EPB41L1: variants seen among roughly 807,000 people sequenced by gnomAD.
The protein encoded by EPB41L1 is erythrocyte membrane protein band 4.1 like 1, also known as band 4.1-like protein 1.
A neutral mutation model predicts 97.8 loss-of-function variants in EPB41L1; 29 were observed. The ratio of observed to expected loss-of-function variants is 0.30; its 90% CI spans 0.22 to 0.40. The LOEUF is 0.40. Among genes scored for constraint, EPB41L1 ranks in the 10% least tolerant of loss-of-function variants. The pLI is 1.00. For synonymous variants in EPB41L1, 383 were observed against 459.2 expected, an observed-to-expected ratio of 0.83 and a Z score of 2.12; for missense variants, 812 against 1,162.3, an observed-to-expected ratio of 0.70 and a Z score of 4.38.
chr20:36,149,619 AAC>A (rs1204065911), intron 2 of EPB41L1, among the ~76,000 whole-genome samples: 11 of 152,054 alleles, frequency 7.2e-5, no homozygotes, highest in African/African-American at 2.7e-4. Flanking sequence ...GCAGAGTGCC[AAC>A]CTCAGTGAAA....
chr20:36,206,425 G>A lies in EPB41L1; in HGVS notation c.1669-3063G>A, dbSNP rs375433056. On this transcript the variant is annotated intron_variant, in intron 14 of 21. Transcript: ENST00000338074. This position sits in a 1 kb window ranked among gnomAD's most constrained non-coding sequence, Gnocchi z 5.5. Reference sequence around the variant, plus strand: ...GGATCCAGCCCACGCAGAAGCCAGAGCTGAGTTGAGCAATGAAACTGATAC... The same window carrying A: ...GGATCCAGCCCACGCAGAAGCCAGAACTGAGTTGAGCAATGAAACTGATAC... 1.2e-5 allele frequency: 15 copies of A among 1,290,058 alleles called. No individual in the cohort carries two copies. The Middle Eastern group carries it at 6.4e-4, about 55-fold the overall frequency. 79.9% of individuals were successfully genotyped at this position (1,290,058 alleles called of 1,614,324 possible).
chr20:36,131,211 G>C (rs2059193832), intron 2 of EPB41L1, among the ~76,000 whole-genome samples: 1 of 152,098 alleles, frequency 6.6e-6, no homozygotes, highest in African/African-American at 2.4e-5. Flanking sequence ...CTGGCCTCTG[G>C]TGATCCGCCC....
In EPB41L1 at chr20:36,209,376, T is replaced by C; in HGVS notation, c.1669-112T>C. On this transcript the variant is annotated intron_variant, in intron 14 of 21. Coordinates refer to ENST00000338074, the MANE Select transcript of EPB41L1 (RefSeq NM_012156.2). The surrounding 1 kb of genome is among the most constrained non-coding windows in gnomAD (Gnocchi z 4.2). Reference sequence around the variant, plus strand: ...TTCATTTCCTGGCCTGCTCTTCCATTCAGGATGTCGACACAGCCCCGAGAT... The same window carrying C: ...TTCATTTCCTGGCCTGCTCTTCCATCCAGGATGTCGACACAGCCCCGAGAT... The C allele has an allele frequency of 8.1e-7, 1 of 1,233,760 alleles. No individual in the cohort carries two copies. The highest frequency in any genetic ancestry group is 1.5e-5 in the African/African-American group (1 of 65,712). 76.4% of individuals were successfully genotyped at this position (1,233,760 alleles called of 1,614,324 possible).
intron 2 of EPB41L1, among the ~76,000 whole-genome samples, chr20:36,174,309 CA>C (rs1569205503): frequency 6.6e-6 from 1 of 151,716 alleles, no homozygotes; most frequent in Non-Finnish European, 1.5e-5. Flanking sequence ...CCCTGTCACC[CA>C]GGCTGGAGTG....
At chr20:36,216,900 AC>A (rs2146974787) in intron 17 of EPB41L1, among the ~76,000 whole-genome samples, 1 of 152,274 alleles carries the variant, frequency 6.6e-6, no homozygotes, top group Admixed American at 6.5e-5. Context: ...TGTTCAGGGG[AC>A]AAGAGGAAAG....
rs117199662 is a variant in EPB41L1 at position 36,095,478 on chromosome 20, T to G, written c.-65+3866T>G. 3.8e-3 allele frequency among the ~76,000 whole-genome samples: 572 copies of G among 152,344 alleles called. 4 individuals carry two copies. Among genetic ancestry groups the G allele is most frequent in the Admixed American group, 3.7e-3 (56 of 15,304 alleles). On this transcript the variant is annotated intron_variant, in intron 1 of 19. Transcript: ENST00000202028. ...CTTCACCCAACACTTTTTATTAAGC[T>G]TCTTTATGTGAAAGGGTCTAAACTC...
At chr20:36,109,752 T>G (rs1486139135) in intron 1 of EPB41L1, 2 of 152,028 alleles carry the variant, frequency 1.3e-5, no homozygotes, top group Non-Finnish European at 2.9e-5. Flanking sequence ...CTGAGGCCTG[T>G]GAAGGGAAAG....
At chr20:36,203,309 C>T (rs773868551) in intron 14 of EPB41L1, among the ~76,000 whole-genome samples, 1 of 152,240 alleles carries the variant, frequency 6.6e-6, no homozygotes, top group Non-Finnish European at 1.5e-5. Context: ...GATACCGTTT[C>T]GCCTTCTGAA....
intron 2 of EPB41L1, among the ~76,000 whole-genome samples, chr20:36,144,118 G>A (rs1336140709): frequency 6.6e-6 from 1 of 152,168 alleles, no homozygotes; most frequent in Non-Finnish European, 1.5e-5. Context: ...CTCCCAGAGT[G>A]TAAGAATTAC....
At chr20:36,153,451 G>A (rs1476532551), upstream of EPB41L1, among the ~76,000 whole-genome samples, 3 of 152,196 alleles carry the variant, frequency 2.0e-5, no homozygotes, top group East Asian at 5.8e-4. Flanking sequence ...GGATTCTGTG[G>A]TAAGAACTAT....
At chr20:36,166,891 C>T (rs533416513) in intron 1 of EPB41L1, among the ~76,000 whole-genome samples, 1 of 152,204 alleles carries the variant, frequency 6.6e-6, no homozygotes, top group Admixed American at 6.5e-5. Flanking sequence ...AAACCAACCA[C>T]CCAACCCAGC....
At chr20:36,215,627 C>T (rs183400181) in intron 17 of EPB41L1, among the ~76,000 whole-genome samples, 13 of 152,312 alleles carry the variant, frequency 8.5e-5, no homozygotes, top group African/African-American at 2.4e-4. Flanking sequence ...TCCTTCACCA[C>T]GTGTCATTGG....
intron 14 of EPB41L1, among the ~76,000 whole-genome samples, chr20:36,198,934 G>T (rs1460100776): frequency 6.6e-6 from 1 of 152,072 alleles, no homozygotes; most frequent in African/African-American, 2.4e-5. Flanking sequence ...TACTTCATGG[G>T]GATGTTGTAA....
chr20:36,173,973 G>A lies in EPB41L1; in HGVS notation c.177+19G>A. 2 of 1,605,224 alleles carry A rather than the reference G, an allele frequency of 1.2e-6. No homozygotes were observed. The highest frequency in any genetic ancestry group is 1.7e-6 in the Non-Finnish European group (2 of 1,175,912). On this transcript the variant is annotated intron_variant, in intron 2 of 21. Transcript: ENST00000338074. ...TGAACAGGTGTGTGCCCGAGAGCATGGGCGTACCTTTCCTGCCCAGACCGT... is the reference window on the plus strand; with the variant it reads ...TGAACAGGTGTGTGCCCGAGAGCATAGGCGTACCTTTCCTGCCCAGACCGT...
chr20:36,155,772 CA>C, intron 1 of EPB41L1: 1 of 396,848 alleles, frequency 2.5e-6, no homozygotes, highest in Non-Finnish European at 5.1e-6. Context: ...GGGGAGAGAG[CA>C]CCACGTGTTC....
chr20:36,136,391 G>A (rs1466116836), intron 2 of EPB41L1, among the ~76,000 whole-genome samples: 3 of 148,726 alleles, frequency 2.0e-5, no homozygotes, highest in Non-Finnish European at 3.0e-5. Context: ...TGTTGCCCAG[G>A]CTGATCTGGA....
intron 2 of EPB41L1, among the ~76,000 whole-genome samples, chr20:36,129,309 G>A (rs548626923): frequency 2.0e-5 from 3 of 152,104 alleles, no homozygotes; most frequent in Non-Finnish European, 4.4e-5. Flanking sequence ...TGCTTGGGCT[G>A]GACTGCGGGG....
At chr20:36,220,288 T>G (rs967831360) in intron 19 of EPB41L1, among the ~76,000 whole-genome samples, 1 of 152,162 alleles carries the variant, frequency 6.6e-6, no homozygotes, top group African/African-American at 2.4e-5. Context: ...AAGCAGAAAT[T>G]GTGTGTTTGC....
intron 14 of EPB41L1, among the ~76,000 whole-genome samples, chr20:36,202,003 G>A (rs1221354602): frequency 6.6e-6 from 1 of 152,180 alleles, no homozygotes; most frequent in African/African-American, 2.4e-5. Context: ...TAAAACATAA[G>A]TCATACTTCT....
Sources: allele counts gnomAD v4.1 joint callset (sites outside exome capture counted in the v4.1 genomes callset), GRCh38; gene constraint gnomAD v4.1.1; non-coding constraint Gnocchi (gnomAD v3.1); transcripts MANE v1.5; gene names NCBI Gene and HGNC (gene_info 2026-07-23, HGNC 2026-07-21).